CDH13: variants seen among roughly 807,000 people sequenced by gnomAD.
CDH13 encodes the protein cadherin 13.
A neutral mutation model predicts 63.8 loss-of-function variants in CDH13; 24 were observed. The ratio of observed to expected loss-of-function variants is 0.38; its 90% CI spans 0.27 to 0.53. CDH13 has a LOEUF of 0.53. CDH13 is among the 20% of genes least tolerant of loss of function. The probability of loss-of-function intolerance (pLI) is 0.85; values close to 1 mark genes in which losing one functional copy is unlikely to be tolerated. For synonymous variants in CDH13, 503 were observed against 355.3 expected (o/e 1.42, Z -4.67); for missense variants, 1,049 against 903.1 (o/e 1.16, Z -2.07).
Position 83,451,545 on chromosome 16 carries a change from G to C in CDH13, c.782-34932G>C, listed in dbSNP as rs116744141. 6.9e-3 allele frequency among the ~76,000 whole-genome samples: 1,044 copies of C among 152,166 alleles called. 13 individuals are homozygous for C. Among genetic ancestry groups the C allele is most frequent in the African/African-American group, 0.023 (953 of 41,516 alleles). ...TTTTGTTTTTGCTTTTTTGAGACAG[G>C]CTCTTCCGCTGTCATCCAGGCTGGA... On this transcript the variant is annotated intron_variant, in intron 6 of 13. Transcript: ENST00000567109.
intron 2 of CDH13, among the ~76,000 whole-genome samples, chr16:82,860,393 G>GGA (rs1555531232): frequency 1.5e-5 from 2 of 132,666 alleles, no homozygotes; most frequent in African/African-American, 5.5e-5. Context: ...GTGTGTGGGG[G>GGA]GGGGGGCGGC....
At chr16:83,474,474 G>A (rs753180896) in intron 6 of CDH13, among the ~76,000 whole-genome samples, 7 of 152,028 alleles carry the variant, frequency 4.6e-5, no homozygotes, top group Non-Finnish European at 7.4e-5. Context: ...GACATCAAGA[G>A]AATTTTAAAA....
At chr16:83,728,753 G>C (rs1312344095) in intron 10 of CDH13, 1 of 152,212 alleles carries the variant, frequency 6.6e-6, no homozygotes, top group Non-Finnish European at 1.5e-5. Flanking sequence ...GTTTTGACGA[G>C]AGAAATGGCA....
intron 5 of CDH13, among the ~76,000 whole-genome samples, chr16:83,310,583 T>G (rs2089977913): frequency 6.6e-6 from 1 of 152,180 alleles, no homozygotes; most frequent in Non-Finnish European, 1.5e-5. Flanking sequence ...TTTAGGTCCT[T>G]CACACGTACC....
chr16:82,885,661 A>C (rs888701715), intron 2 of CDH13, among the ~76,000 whole-genome samples: 7 of 152,112 alleles, frequency 4.6e-5, no homozygotes, highest in African/African-American at 2.4e-5. Flanking sequence ...TCATCCTGGG[A>C]AGAAATAATA....
intron 5 of CDH13, among the ~76,000 whole-genome samples, chr16:83,244,604 C>G (rs1056594191): frequency 1.3e-5 from 2 of 152,090 alleles, no homozygotes; most frequent in African/African-American, 2.4e-5. Flanking sequence ...ACACCACCCT[C>G]AGATTTGGTG....
chr16:83,379,683 C>T (rs941133692), intron 6 of CDH13, among the ~76,000 whole-genome samples: 1 of 152,012 alleles, frequency 6.6e-6, no homozygotes, highest in Non-Finnish European at 1.5e-5. Flanking sequence ...AAAACCAGCT[C>T]ACATCTGTGC....
chr16:82,649,772 C>G (rs1019844576), intron 1 of CDH13, among the ~76,000 whole-genome samples: 43 of 152,200 alleles, frequency 2.8e-4, no homozygotes, highest in African/African-American at 9.7e-4. Flanking sequence ...AACAAGGACA[C>G]CAGACTGCCT....
chr16:82,639,222 T>G (rs1909078722), intron 1 of CDH13: 1 of 498,402 alleles, frequency 2.0e-6, no homozygotes, highest in Non-Finnish European at 3.5e-6. Flanking sequence ...CTGGGATGAC[T>G]ACTTTTTTGA....
intron 2 of CDH13, among the ~76,000 whole-genome samples, chr16:83,026,523 A>G (rs901629622): frequency 6.6e-6 from 1 of 152,248 alleles, no homozygotes; most frequent in Non-Finnish European, 1.5e-5. Flanking sequence ...TTACAAATGT[A>G]AAGTATAGAT....
chr16:83,264,373 A>G (rs958392433), intron 5 of CDH13, among the ~76,000 whole-genome samples: 2 of 152,172 alleles, frequency 1.3e-5, no homozygotes, highest in African/African-American at 4.8e-5. Context: ...GGTTTGGCCA[A>G]TCGCTTTTTG....
At chr16:83,533,375 C>G (rs552955957) in intron 7 of CDH13, among the ~76,000 whole-genome samples, 1 of 152,106 alleles carries the variant, frequency 6.6e-6, no homozygotes, top group Non-Finnish European at 1.5e-5. Context: ...GGGCATTCCC[C>G]AAAGACAAGA....
intron 1 of CDH13, among the ~76,000 whole-genome samples, chr16:82,714,478 C>T (rs2032203410): frequency 6.6e-6 from 1 of 151,902 alleles, no homozygotes; most frequent in Non-Finnish European, 1.5e-5. Context: ...CTTTGAGAGG[C>T]CGAGGCTGGC....
chr16:83,000,223 A>ATTTTTTTTTTTTTTTTT (rs746904500), intron 2 of CDH13, among the ~76,000 whole-genome samples: 2 of 37,030 alleles, frequency 5.4e-5, no homozygotes, highest in African/African-American at 7.8e-5. Flanking sequence ...GGTTTAGCTT[A>ATTTTTTTTTTTTTTTTT]TTTTTTTTTT....
At position 83,330,479 on chromosome 16, in the gene CDH13, C is replaced by A. The variant is rs141702248; in HGVS notation, c.637-14383C>A. Among the ~76,000 whole-genome samples the A allele has an allele frequency of 3.6e-3, 552 of 152,268 alleles. 1 individual carries two copies. Among genetic ancestry groups the A allele is most frequent in the Middle Eastern group, 6.8e-3 (2 of 294 alleles). Reference sequence around the variant, plus strand: ...GACCCATCTAGAAGGGCAAAGAATTCTTGGCATTGTTCCGAAGGAGAAAGT... The same window carrying A: ...GACCCATCTAGAAGGGCAAAGAATTATTGGCATTGTTCCGAAGGAGAAAGT... On this transcript the variant is annotated intron_variant, in intron 5 of 13. Coordinates refer to ENST00000567109, the MANE Select transcript of CDH13 (RefSeq NM_001257.5).
intron 6 of CDH13, among the ~76,000 whole-genome samples, chr16:83,357,712 C>T (rs558966101): frequency 6.6e-6 from 1 of 152,158 alleles, no homozygotes; most frequent in Admixed American, 6.5e-5. Context: ...TCATTTGCCT[C>T]AAAATGTCAG....
chr16:82,998,636 C>T (rs553361616), intron 2 of CDH13, among the ~76,000 whole-genome samples: 57 of 152,282 alleles, frequency 3.7e-4, no homozygotes, highest in African/African-American at 1.2e-3. Flanking sequence ...TCTCTTGGGT[C>T]ATTCTCCTCT....
rs79717049 is a variant in CDH13, at chr16:83,485,436, C to A, written c.782-1041C>A. Among the ~76,000 whole-genome samples the A allele has an allele frequency of 3.1e-3, 476 of 152,276 alleles. 1 individual carries two copies. Among genetic ancestry groups the A allele is most frequent in the African/African-American group, 0.011 (449 of 41,562 alleles). On this transcript the variant is annotated intron_variant, in intron 6 of 13. Transcript: ENST00000567109. ...CCACATGCTTGTTATAGAATCAGGT[C>A]CTATTTGTATGACTCTTGCTTGTTT...
At chr16:83,214,752 G>C (rs536088156) in intron 4 of CDH13, among the ~76,000 whole-genome samples, 3 of 152,106 alleles carry the variant, frequency 2.0e-5, no homozygotes, top group African/African-American at 7.2e-5. Context: ...CTTTATAGAT[G>C]CCATCTCATT....
Sources: allele counts gnomAD v4.1 joint callset (sites outside exome capture counted in the v4.1 genomes callset), GRCh38; gene constraint gnomAD v4.1.1; transcripts MANE v1.5; gene names NCBI Gene and HGNC (gene_info 2026-07-23, HGNC 2026-07-21).